GRID1: variants seen among roughly 807,000 people sequenced by gnomAD.
GRID1 encodes the protein glutamate ionotropic receptor delta type subunit 1, also known as glutamate receptor ionotropic, delta-1.
A neutral mutation model predicts 98.0 loss-of-function variants in GRID1; 28 were observed. The observed-to-expected ratio is 0.29, with a 90% CI of 0.21 to 0.39. The LOEUF is 0.39. GRID1 is among the 10% of genes least tolerant of loss of function. GRID1 has a pLI of 1.00. For synonymous variants in GRID1, 553 were observed against 538.5 expected (o/e 1.03, Z -0.37); for missense variants, 1,111 against 1,340.5 (o/e 0.83, Z 2.67).
At position 85,986,883 on chromosome 10, in the gene GRID1, C is replaced by T. The variant is rs114576499; in HGVS notation, c.727-70644G>A. Among the ~76,000 whole-genome samples, 919 of 152,310 alleles carry T rather than the reference C, an allele frequency of 6.0e-3. 11 individuals are homozygous for T. Among genetic ancestry groups the T allele is most frequent in the African/African-American group, 0.021 (876 of 41,556 alleles). ...TTATAAAGAACCAGAGTCTGTTCTG[C>T]TCTGTTCATTCCACAGATGGCCCCA... On this transcript the variant is annotated intron_variant, in intron 4 of 15. Coordinates refer to ENST00000327946, the MANE Select transcript of GRID1 (RefSeq NM_017551.3).
intron 5 of GRID1, among the ~76,000 whole-genome samples, chr10:85,885,046 C>T (rs1841092537): frequency 6.6e-6 from 1 of 152,284 alleles, no homozygotes; most frequent in Non-Finnish European, 1.5e-5. Flanking sequence ...TGAGAAATTG[C>T]TTCATGCACT....
chr10:85,800,690 A>G (rs1842567273), intron 8 of GRID1, among the ~76,000 whole-genome samples: 1 of 152,092 alleles, frequency 6.6e-6, no homozygotes, highest in African/African-American at 2.4e-5. Context: ...AGATAAGGAC[A>G]GAAATTAACA....
intron 5 of GRID1, among the ~76,000 whole-genome samples, chr10:85,875,579 A>C (rs1331323776): frequency 2.0e-5 from 3 of 152,092 alleles, no homozygotes; most frequent in Non-Finnish European, 4.4e-5. Context: ...TTTCCCTTTA[A>C]AATGATTTGT....
intron 8 of GRID1, among the ~76,000 whole-genome samples, chr10:85,769,407 G>A (rs142245625): frequency 2.9e-4 from 44 of 152,310 alleles, no homozygotes; most frequent in Admixed American, 1.7e-3. Flanking sequence ...CACAGAAGAC[G>A]GGTGATTTCT....
At chr10:86,308,034 C>G (rs1847782994) in intron 2 of GRID1, among the ~76,000 whole-genome samples, 1 of 152,170 alleles carries the variant, frequency 6.6e-6, no homozygotes, top group African/African-American at 2.4e-5. Context: ...GGTTTATACC[C>G]ATTGAACAAC....
chr10:85,847,479 T>C (rs1224822715), intron 8 of GRID1, among the ~76,000 whole-genome samples: 1 of 152,024 alleles, frequency 6.6e-6, no homozygotes, highest in East Asian at 1.9e-4. Context: ...AATGTACAAA[T>C]GTGAATTAAA....
At chr10:85,876,612 T>C (rs1431405926) in intron 5 of GRID1, among the ~76,000 whole-genome samples, 2 of 152,174 alleles carry the variant, frequency 1.3e-5, no homozygotes, top group South Asian at 4.1e-4. Flanking sequence ...ATATTAAGAA[T>C]CATTTTGGGG....
intron 8 of GRID1, among the ~76,000 whole-genome samples, chr10:85,760,043 C>T (rs146376417): frequency 1.0e-3 from 154 of 152,270 alleles, no homozygotes; most frequent in Non-Finnish European, 1.8e-3. Context: ...CTCAGTGGGG[C>T]TCTTGATGGT....
chr10:86,177,878 G>A (rs1007013147), intron 3 of GRID1, among the ~76,000 whole-genome samples: 4 of 152,180 alleles, frequency 2.6e-5, no homozygotes, highest in Admixed American at 2.6e-4. Context: ...GTGCATGAAA[G>A]AGACAGAAAC....
At chr10:86,098,376 G>A (rs929697368) in intron 4 of GRID1, among the ~76,000 whole-genome samples, 2 of 152,150 alleles carry the variant, frequency 1.3e-5, no homozygotes, top group Admixed American at 6.5e-5. Flanking sequence ...CATCTGATGC[G>A]ATTTGGCAAG....
intron 8 of GRID1, among the ~76,000 whole-genome samples, chr10:85,838,564 TTC>T (rs1842932711): frequency 6.6e-6 from 1 of 152,084 alleles, no homozygotes; most frequent in East Asian, 1.9e-4. Context: ...CAAACTAAGC[TTC>T]ATTAGCAAAG....
intron 4 of GRID1, among the ~76,000 whole-genome samples, chr10:85,951,914 G>C (rs763728633): frequency 3.3e-5 from 5 of 152,214 alleles, no homozygotes; most frequent in Non-Finnish European, 7.3e-5. Context: ...GGGTGAGGCC[G>C]ACGCCTTGCC....
At chr10:85,938,531 TTC>T (rs1841956772) in intron 4 of GRID1, among the ~76,000 whole-genome samples, 1 of 152,226 alleles carries the variant, frequency 6.6e-6, no homozygotes, top group South Asian at 2.1e-4. Context: ...ATGGGGTAGT[TTC>T]TCTCATGGTT....
rs1409038266 is a variant in GRID1 at position 85,756,278 on chromosome 10, A to C, written c.1234-26664T>G. Among the ~76,000 whole-genome samples, 5 of 152,198 alleles carry C rather than the reference A, an allele frequency of 3.3e-5. 1 individual carries two copies. The highest frequency in any genetic ancestry group is 7.3e-5 in the Non-Finnish European group (5 of 68,036). ...TCCTTCTTCACAATTTCATGGATAG[A>C]AGATTCGTTCTCGCCGTAGATCTTA... On this transcript the variant is annotated intron_variant, in intron 8 of 15. Coordinates refer to ENST00000327946, the MANE Select transcript of GRID1 (RefSeq NM_017551.3).
chr10:85,845,682 G>A (rs544455638), intron 8 of GRID1, among the ~76,000 whole-genome samples: 1 of 152,314 alleles, frequency 6.6e-6, no homozygotes, highest in South Asian at 2.1e-4. Context: ...TGCTTCGCAT[G>A]CCCCTCTGGG....
intron 4 of GRID1, among the ~76,000 whole-genome samples, chr10:85,960,110 G>C (rs1260654619): frequency 6.6e-6 from 1 of 152,126 alleles, no homozygotes; most frequent in East Asian, 1.9e-4. Flanking sequence ...GGGTTGGCCA[G>C]GCTGGTCTCA....
At chr10:85,614,306 C>T (rs955251404) in intron 14 of GRID1, among the ~76,000 whole-genome samples, 2 of 152,168 alleles carry the variant, frequency 1.3e-5, no homozygotes, top group Admixed American at 1.3e-4. Context: ...CACTGGAGGA[C>T]TAGAGAAACC....
chr10:86,363,629 G>T (rs1470948400), intron 2 of GRID1, among the ~76,000 whole-genome samples: 1 of 151,880 alleles, frequency 6.6e-6, no homozygotes, highest in Non-Finnish European at 1.5e-5. Flanking sequence ...AGACTGCCCC[G>T]AGCCACGCAC....
intron 2 of GRID1, among the ~76,000 whole-genome samples, chr10:86,222,005 CCAG>C (rs1846262286): frequency 6.6e-6 from 1 of 152,208 alleles, no homozygotes; most frequent in South Asian, 2.1e-4. Flanking sequence ...GGGGACAGAG[CCAG>C]CTAAAGCATG....
Sources: gnomAD v4.1 joint callset for allele counts (sites outside exome capture counted in the v4.1 genomes callset) on GRCh38, gnomAD v4.1.1 for gene constraint, MANE v1.5 for transcripts, NCBI Gene and HGNC (gene_info 2026-07-23, HGNC 2026-07-21) for gene names.